The following PTPRN2 variants were observed in gnomAD, a reference collection of about 807,000 sequenced individuals.
PTPRN2 encodes the protein receptor-type tyrosine-protein phosphatase N2.
A neutral mutation model predicts 118.8 loss-of-function variants in PTPRN2; 74 were observed. The observed-to-expected ratio is 0.62, with a 90% CI of 0.52 to 0.76. The LOEUF (loss-of-function observed/expected upper bound fraction) is 0.76, where lower values mean the gene tolerates loss of function less well. Ranked by LOEUF, PTPRN2 falls within the 30% of genes least tolerant of loss-of-function variation. PTPRN2 has a pLI of 0.00. For synonymous variants in PTPRN2, 641 were observed against 608.0 expected (o/e 1.05, Z -0.80); for missense variants, 1,481 against 1,394.4 (o/e 1.06, Z -0.99).
intron 3 of PTPRN2, among the ~76,000 whole-genome samples, chr7:158,282,765 C>A: frequency 6.7e-6 from 1 of 149,166 alleles, no homozygotes; most frequent in East Asian, 2.0e-4. Flanking sequence ...CATCCCTCCT[C>A]GTGCTCCCAC....
At position 158,182,187 on chromosome 7, in the gene PTPRN2, C is replaced by T. The variant is rs542636828; in HGVS notation, c.549+10140G>A. 1.7e-3 allele frequency among the ~76,000 whole-genome samples: 260 copies of T among 152,310 alleles called. 2 individuals are homozygous for T. The highest frequency in any genetic ancestry group is 6.0e-3 in the African/African-American group (249 of 41,572). On this transcript the variant is annotated intron_variant, in intron 5 of 22. Transcript: ENST00000389418. ...TGTTAACCCAAAAATCATTGAGGAG[C>T]ATATTTTTTTATTTCCATGTATTTG...
At chr7:157,682,592 T>A (rs1796965363) in intron 13 of PTPRN2, 133 bp downstream of exon 13, 1 of 895,468 alleles carries the variant, frequency 1.1e-6, no homozygotes. Flanking sequence ...TTCCAAACTG[T>A]CCTCATAAAA....
intron 11 of PTPRN2, among the ~76,000 whole-genome samples, chr7:158,026,407 G>C (rs1807275461): frequency 6.6e-6 from 1 of 152,220 alleles, no homozygotes; most frequent in African/African-American, 2.4e-5. Flanking sequence ...CACTGGCCGA[G>C]GACGGGCACC....
intron 3 of PTPRN2, among the ~76,000 whole-genome samples, chr7:158,309,609 T>G (rs921674328): frequency 2.6e-5 from 4 of 152,108 alleles, no homozygotes; most frequent in African/African-American, 4.8e-5. Flanking sequence ...TATCAAAAGA[T>G]TAAGAGATAT....
At chr7:157,713,140 T>C (rs904508448) in intron 12 of PTPRN2, among the ~76,000 whole-genome samples, 3 of 152,208 alleles carry the variant, frequency 2.0e-5, no homozygotes, top group Admixed American at 6.5e-5. Context: ...TGAGGTCGTT[T>C]CCATCTGATG....
intron 2 of PTPRN2, among the ~76,000 whole-genome samples, chr7:158,371,306 AAG>A (rs1267337897): frequency 6.6e-6 from 1 of 151,938 alleles, no homozygotes; most frequent in Non-Finnish European, 1.5e-5. Flanking sequence ...ATCCTATAAT[AAG>A]AGAGACTTCC....
chr7:157,908,254 G>A (rs1258122289), intron 11 of PTPRN2, among the ~76,000 whole-genome samples: 1 of 152,230 alleles, frequency 6.6e-6, no homozygotes, highest in Non-Finnish European at 1.5e-5. Flanking sequence ...GCAGCATGAT[G>A]TCCCCTGCGC....
At chr7:157,657,625 C>A (rs1692842981) in intron 13 of PTPRN2, among the ~76,000 whole-genome samples, 1 of 121,550 alleles carries the variant, frequency 8.2e-6, no homozygotes, top group African/African-American at 3.0e-5. Flanking sequence ...CACATATACA[C>A]ACACACACCA....
chr7:158,483,041 C>G (rs915900480), intron 2 of PTPRN2, among the ~76,000 whole-genome samples: 1 of 152,210 alleles, frequency 6.6e-6, no homozygotes, highest in Admixed American at 6.5e-5. Flanking sequence ...TCCAGACAGG[C>G]CTTGCTGAGC....
Position 157,801,718 on chromosome 7 carries a change from A to ACT in PTPRN2, c.1788+96954_1788+96955insAG, listed in dbSNP as rs1805316185. On this transcript the variant is annotated intron_variant, in intron 12 of 22. Coordinates refer to ENST00000389418, the MANE Select transcript of PTPRN2 (RefSeq NM_002847.5). The surrounding 1 kb of genome is among the most constrained non-coding windows in gnomAD (Gnocchi z 4.2). ...ATGATATTTAAGAAAAATTCACAGG[A>ACT]GAGGCGGCTGCTGAATGCCTCCACC... Among the ~76,000 whole-genome samples the ACT allele has an allele frequency of 1.3e-5, 2 of 152,176 alleles. No individual in the cohort carries two copies. The highest frequency in any genetic ancestry group is 4.8e-5 in the African/African-American group (2 of 41,434).
In PTPRN2 at chr7:158,171,218, C is replaced by T. The variant is rs1391346400; in HGVS notation, c.550-3927G>A. 2.7e-5 allele frequency among the ~76,000 whole-genome samples: 3 copies of T among 109,484 alleles called. No individual in the cohort carries two copies. In the East Asian group the frequency reaches 8.0e-4, roughly 29 times the overall value. The allele number at this position is 109,484 out of a possible 152,430, so 71.8% of individuals were successfully genotyped here. A position where few individuals can be genotyped will look rare whatever the true frequency, so the allele number is the denominator to read the frequency against. On this transcript the variant is annotated intron_variant, in intron 5 of 22. Coordinates refer to ENST00000389418, the MANE Select transcript of PTPRN2 (RefSeq NM_002847.5). ...CATATATATACACTATATATACACACATATATACACACATATATATACACA... is the reference window on the plus strand; with the variant it reads ...CATATATATACACTATATATACACATATATATACACACATATATATACACA...
intron 2 of PTPRN2, among the ~76,000 whole-genome samples, chr7:158,393,689 T>A (rs1812116887): frequency 6.6e-6 from 1 of 152,146 alleles, no homozygotes; most frequent in Non-Finnish European, 1.5e-5. Context: ...TTCCCAATAG[T>A]GTGATGGCTC....
At chr7:158,098,113 G>T (rs913230605) in intron 10 of PTPRN2, among the ~76,000 whole-genome samples, 4 of 152,212 alleles carry the variant, frequency 2.6e-5, no homozygotes, top group Admixed American at 1.3e-4. Flanking sequence ...GGACGTGGAA[G>T]TAAGGCTTGC....
chr7:158,072,754 C>A (rs921349828), intron 11 of PTPRN2, among the ~76,000 whole-genome samples: 6 of 152,216 alleles, frequency 3.9e-5, no homozygotes, highest in Non-Finnish European at 7.3e-5. Context: ...TTGTGCCACA[C>A]ACTCCAGCTG....
chr7:158,213,463 GA>G (rs1168589029), intron 3 of PTPRN2, among the ~76,000 whole-genome samples: 2 of 152,078 alleles, frequency 1.3e-5, no homozygotes, highest in Non-Finnish European at 2.9e-5. Context: ...AGAATGATAG[GA>G]AAATTCACCA....
intron 1 of PTPRN2, among the ~76,000 whole-genome samples, chr7:158,518,361 G>A (rs1332045588): frequency 5.3e-5 from 8 of 152,036 alleles, no homozygotes; most frequent in Non-Finnish European, 8.8e-5. Flanking sequence ...CGGATTTCAC[G>A]GGGTGGGAGA....
intron 2 of PTPRN2, among the ~76,000 whole-genome samples, chr7:158,340,643 G>C (rs1442071532): frequency 9.5e-6 from 1 of 104,882 alleles, no homozygotes; most frequent in Non-Finnish European, 2.1e-5. Flanking sequence ...CTAGCCATAA[G>C]AGCTGACGCC....
At chr7:157,717,894 G>A (rs191984746) in intron 12 of PTPRN2, among the ~76,000 whole-genome samples, 1 of 152,396 alleles carries the variant, frequency 6.6e-6, no homozygotes. Context: ...ACCTTTCAGA[G>A]GTTTATATGA....
At chr7:157,657,267 TACACCACACAC>T (rs1235227478) in intron 13 of PTPRN2, among the ~76,000 whole-genome samples, 5 of 21,252 alleles carry the variant, frequency 2.4e-4, no homozygotes, top group Non-Finnish European at 4.2e-4. Flanking sequence ...TACACACACA[TACACCACACAC>T]ACACCACACA....
Sources: allele counts gnomAD v4.1 joint callset (sites outside exome capture counted in the v4.1 genomes callset), GRCh38; gene constraint gnomAD v4.1.1; non-coding constraint Gnocchi (gnomAD v3.1); transcripts MANE v1.5; gene names NCBI Gene and HGNC (gene_info 2026-07-23, HGNC 2026-07-21).